Variants in CCDC175 observed in about 807,000 individuals in gnomAD.
CCDC175 encodes the protein coiled-coil domain-containing protein 175.
Under a neutral mutation model 114.6 loss-of-function variants are expected in CCDC175, and 100 were observed. The observed-to-expected ratio is 0.87, with a 90% CI of 0.74 to 1.03. The LOEUF (loss-of-function observed/expected upper bound fraction) is 1.03. CCDC175 is among the 50% of genes least tolerant of loss of function. The probability of loss-of-function intolerance (pLI) is 0.00; values close to 1 mark genes in which losing one functional copy is unlikely to be tolerated. For missense variants in CCDC175, 880 were observed against 917.8 expected (o/e 0.96, Z 0.53); for synonymous variants, 306 against 308.7 (o/e 0.99, Z 0.09).
intron 17 of CCDC175, among the ~76,000 whole-genome samples, chr14:59,512,386 A>G (rs182245996): frequency 1.3e-5 from 2 of 152,306 alleles, no homozygotes; most frequent in East Asian, 1.9e-4. Context: ...TTCCCGCCCC[A>G]TAAGTACTCT....
chr14:59,560,946 A>G (rs1261207661), intron 7 of CCDC175, among the ~76,000 whole-genome samples, 173 bp downstream of exon 7: 5 of 152,168 alleles, frequency 3.3e-5, no homozygotes, highest in Non-Finnish European at 7.4e-5. Flanking sequence ...TAATTTCACA[A>G]TGAAAAGGTG....
chr14:59,574,911 T>C (rs1897023624), intron 2 of CCDC175, 32 bp downstream of exon 2: 1 of 1,150,648 alleles, frequency 8.7e-7, no homozygotes, highest in Non-Finnish European at 1.2e-6. Context: ...TGTGGAAGAT[T>C]GAAGAAATGG....
At position 59,528,668 on chromosome 14, in the gene CCDC175, C is replaced by T. The variant is rs141905355; in HGVS notation, c.1763-1494G>A. On this transcript the variant is annotated intron_variant, in intron 14 of 19. Transcript: ENST00000537690. Reference sequence around the variant, plus strand: ...ATTATAATAATGTAAGCATTATTCACTGATTTTTTTCTGGTCTTGTTTGGT... The same window carrying T: ...ATTATAATAATGTAAGCATTATTCATTGATTTTTTTCTGGTCTTGTTTGGT... Among the ~76,000 whole-genome samples the T allele has an allele frequency of 8.5e-5, 13 of 152,142 alleles. No homozygotes were observed. In the East Asian group the frequency reaches 2.3e-3, roughly 27 times the overall value.
chr14:59,549,732 A>G (rs1895347237), intron 8 of CCDC175, among the ~76,000 whole-genome samples: 1 of 127,086 alleles, frequency 7.9e-6, no homozygotes, highest in Non-Finnish European at 1.8e-5. Context: ...AAAAAAAAAG[A>G]AAAAGAAAAA....
At chr14:59,565,517 G>A (rs554555998) in intron 4 of CCDC175, among the ~76,000 whole-genome samples, 1 of 152,248 alleles carries the variant, frequency 6.6e-6, no homozygotes, top group Admixed American at 6.5e-5. Context: ...TTGCAGCCTG[G>A]CCAACATGGT....
chr14:59,524,411 A>G lies in CCDC175; in HGVS notation c.1995+871T>C, dbSNP rs180773421. Among the ~76,000 whole-genome samples, 7 of 152,356 alleles carry G rather than the reference A, an allele frequency of 4.6e-5. No individual in the cohort carries two copies. The East Asian group carries it at 1.3e-3, about 29-fold the overall frequency. ...ATAATCAGTATGAAATAGACAACCT[A>G]CTTTTTAAAAAACGGGCAAAAGACT... is the stretch of plus-strand genomic sequence containing the variant. On this transcript the variant is annotated intron_variant, in intron 16 of 19. Coordinates refer to ENST00000537690, the MANE Select transcript of CCDC175 (RefSeq NM_001164399.2).
intron 17 of CCDC175, among the ~76,000 whole-genome samples, chr14:59,515,424 C>T (rs1047433986): frequency 3.3e-5 from 5 of 152,176 alleles, no homozygotes; most frequent in Admixed American, 3.3e-4. Flanking sequence ...GGAGACCCAT[C>T]TCACATGCAG....
chr14:59,572,738 C>T lies in CCDC175; in HGVS notation c.319G>A (p.Glu107Lys), dbSNP rs751095122. 7 of 1,516,818 alleles carry T rather than the reference C, an allele frequency of 4.6e-6. No homozygotes were observed. Among genetic ancestry groups the T allele is most frequent in the Non-Finnish European group, 6.1e-6 (7 of 1,141,772 alleles). The allele number at this position is 1,516,818 out of a possible 1,614,324, so 94.0% of individuals were successfully genotyped here. A position where few individuals can be genotyped will look rare whatever the true frequency, so the allele number is the denominator to read the frequency against. ...CTCTTAATGCTATTGGGAAGAGTTT[C>T]CAATAGATAGTATAGTTTGTTGAGT... ...MELNKLYYLL[E>K]TLPNSIKREL... Residue 107 changes from glutamate to lysine, a missense_variant, in exon 3 of 20, where the codon GAA becomes AAA. Transcript: ENST00000537690.
At chr14:59,536,228 G>A (rs1207938030) in intron 13 of CCDC175, among the ~76,000 whole-genome samples, 2 of 151,890 alleles carry the variant, frequency 1.3e-5, no homozygotes, top group Non-Finnish European at 2.9e-5. Flanking sequence ...TCCTGCCTCA[G>A]GCCCTTCCTG....
chr14:59,531,886 T>A lies in CCDC175; in HGVS notation c.1648A>T (p.Ile550Phe). The A allele has an allele frequency of 2.4e-6, 3 of 1,254,624 alleles. No individual in the cohort carries two copies. Among genetic ancestry groups the A allele is most frequent in the Non-Finnish European group, 3.3e-6 (3 of 899,924 alleles). The allele number at this position is 1,254,624 out of a possible 1,614,324, so 77.7% of individuals were successfully genotyped here. A position where few individuals can be genotyped will look rare whatever the true frequency, so the allele number is the denominator to read the frequency against. ...AGTTCTTCTTCCTTTTCTTTGTTAA[T>A]TTGTGTTTCCTTAACAAATATTTCC... ...YEEIFVKETQ[I>F]NKEKEEELVE... Residue 550 changes from isoleucine to phenylalanine, a missense_variant, in exon 14 of 20, where the codon ATT becomes TTT. By Grantham distance (21) the Ile-to-Phe change is conservative. Transcript: ENST00000537690.
chr14:59,525,583 A>G (rs1893694787), intron 15 of CCDC175, 149 bp from the exon 16 acceptor site: 2 of 522,280 alleles, frequency 3.8e-6, no homozygotes, highest in South Asian at 3.3e-5. Flanking sequence ...AGAAAAACCT[A>G]TCAACCCCAC....
chr14:59,560,846 A>G (rs1896189701), intron 7 of CCDC175, among the ~76,000 whole-genome samples: 1 of 152,142 alleles, frequency 6.6e-6, no homozygotes, highest in African/African-American at 2.4e-5. Context: ...GGGAGTTCGG[A>G]ACTGAAATGA....
At chr14:59,507,048 GAATT>G (rs761413687) in intron 19 of CCDC175, among the ~76,000 whole-genome samples, 3 of 152,110 alleles carry the variant, frequency 2.0e-5, no homozygotes, top group Non-Finnish European at 2.9e-5. Flanking sequence ...TATACACTAA[GAATT>G]AACTTATTTA....
chr14:59,542,753 A>G (rs1894862754), intron 10 of CCDC175, among the ~76,000 whole-genome samples: 1 of 152,108 alleles, frequency 6.6e-6, no homozygotes. Flanking sequence ...CCTTCACCAA[A>G]TTCTCCAACT....
At position 59,572,733 on chromosome 14, in the gene CCDC175, A is replaced by G. The variant is rs1464505206; in HGVS notation, c.324T>C (p.Thr108=). ...ATTCCCTCTTAATGCTATTGGGAAG[A>G]GTTTCCAATAGATAGTATAGTTTGT... ...ELNKLYYLLE[T]LPNSIKRELE... The change falls in exon 3 of 20, where the codon ACT becomes ACC. Residue 108 remains threonine, a synonymous_variant. Transcript: ENST00000537690. The G allele has an allele frequency of 2.0e-6, 3 of 1,511,468 alleles. No individual in the cohort carries two copies. In the Admixed American group the frequency reaches 6.9e-5, roughly 35 times the overall value. The allele number at this position is 1,511,468 out of a possible 1,614,324, so 93.6% of individuals were successfully genotyped here.
At chr14:59,509,479 A>G (rs555019176) in intron 19 of CCDC175, among the ~76,000 whole-genome samples, 1 of 152,128 alleles carries the variant, frequency 6.6e-6, no homozygotes, top group Non-Finnish European at 1.5e-5. Context: ...GGTTTTCCCA[A>G]ATACTGGAAT....
chr14:59,507,944 A>C (rs974054111), intron 19 of CCDC175, among the ~76,000 whole-genome samples: 1 of 152,176 alleles, frequency 6.6e-6, no homozygotes, highest in Non-Finnish European at 1.5e-5. Flanking sequence ...TCATGAACGC[A>C]GGATGTGAGC....
chr14:59,571,702 T>C (rs1474787037), intron 3 of CCDC175, among the ~76,000 whole-genome samples: 1 of 152,212 alleles, frequency 6.6e-6, no homozygotes, highest in East Asian at 1.9e-4. Flanking sequence ...GCAGCCACTG[T>C]TGAAAACAGC....
At chr14:59,507,318 A>G (rs1887117376) in intron 19 of CCDC175, among the ~76,000 whole-genome samples, 1 of 152,230 alleles carries the variant, frequency 6.6e-6, no homozygotes, top group Non-Finnish European at 1.5e-5. Flanking sequence ...GCCACTTTCT[A>G]GAAGGAATCC....
Sources: allele counts gnomAD v4.1 joint callset (sites outside exome capture counted in the v4.1 genomes callset), GRCh38; gene constraint gnomAD v4.1.1; transcripts MANE v1.5; gene names NCBI Gene and HGNC (gene_info 2026-07-23, HGNC 2026-07-21).